The following PCSK5 variants were observed in gnomAD, a reference collection of about 807,000 sequenced individuals.
PCSK5 encodes the protein prohormone convertase 5.
In PCSK5, 129 loss-of-function variants were observed where a neutral mutation model predicts 233.2. The ratio of observed to expected loss-of-function variants is 0.55; its 90% CI spans 0.48 to 0.64. The LOEUF is 0.64. PCSK5 is among the 30% of genes least tolerant of loss of function. The pLI is 0.00. For synonymous variants in PCSK5, 825 were observed against 879.2 expected (o/e 0.94, Z 1.09); for missense variants, 2,076 against 2,430.1 (o/e 0.85, Z 3.06).
chr9:76,243,125 C>T (rs1472395183), intron 24 of PCSK5, among the ~76,000 whole-genome samples: 1 of 152,108 alleles, frequency 6.6e-6, no homozygotes, highest in South Asian at 2.1e-4. Flanking sequence ...AGACACTGAC[C>T]CTCTGGGGAC....
intron 1 of PCSK5, among the ~76,000 whole-genome samples, chr9:75,908,929 A>ATC (rs796708467): frequency 2.0e-5 from 2 of 101,854 alleles, no homozygotes; most frequent in African/African-American, 3.6e-5. Context: ...CTATCTCTCT[A>ATC]TCTCTCTCTC....
At chr9:76,213,750 G>C (rs111660290) in intron 20 of PCSK5, among the ~76,000 whole-genome samples, 9 of 152,026 alleles carry the variant, frequency 5.9e-5, no homozygotes, top group Admixed American at 2.0e-4. Flanking sequence ...CTCCATCCAA[G>C]GTCATTTTTC....
At chr9:76,090,349 AC>A (rs1237835254) in intron 7 of PCSK5, among the ~76,000 whole-genome samples, 1 of 150,964 alleles carries the variant, frequency 6.6e-6, no homozygotes, top group Non-Finnish European at 1.5e-5. Flanking sequence ...ATGAATGGAA[AC>A]CCCCTGTGCC....
Position 76,256,434 on chromosome 9 carries a change from G to A in PCSK5, c.3142+15750G>A, listed in dbSNP as rs372626800. Among the ~76,000 whole-genome samples, 14 of 152,280 alleles carry A rather than the reference G, an allele frequency of 9.2e-5. 1 individual carries two copies. The South Asian group carries it at 1.9e-3, about 20-fold the overall frequency. On this transcript the variant is annotated intron_variant, in intron 24 of 37. Coordinates refer to ENST00000674117, the MANE Select transcript of PCSK5 (RefSeq NM_001372043.1). The stretch of plus-strand genomic sequence containing the variant: ...AACAAAAGCGGAGTGTGGTCGAGCC[G>A]GACACACAGGGTGGAGGGTTCAGAA...
At chr9:76,267,889 G>A (rs187739203) in intron 24 of PCSK5, among the ~76,000 whole-genome samples, 26 of 152,046 alleles carry the variant, frequency 1.7e-4, no homozygotes, top group Admixed American at 1.6e-3. Context: ...GAAGAGCATT[G>A]CCTTTTTATT....
Position 76,159,231 on chromosome 9 carries a change from A to C in PCSK5, c.1619+60A>C. 3 of 1,482,722 alleles carry C rather than the reference A, an allele frequency of 2.0e-6. No individual in the cohort carries two copies. In the South Asian group the frequency reaches 3.7e-5, roughly 18 times the overall value. The allele number at this position is 1,482,722 out of a possible 1,614,324, so 91.8% of individuals were successfully genotyped here. A position where few individuals can be genotyped will look rare whatever the true frequency, so the allele number is the denominator to read the frequency against. ...TCACAGCGACACTCGGCTATTCCTT[A>C]GGTAGAAGGGAACAGCTGCTGCTTT... is the stretch of plus-strand genomic sequence containing the variant. On this transcript the variant is annotated intron_variant, in intron 12 of 37. Transcript: ENST00000674117.
intron 26 of PCSK5, among the ~76,000 whole-genome samples, chr9:76,296,125 G>C (rs769342784): frequency 3.9e-5 from 6 of 152,194 alleles, no homozygotes; most frequent in Admixed American, 1.3e-4. Context: ...TTGTCACCCA[G>C]GTTGGAGTGC....
At chr9:76,270,258 G>C (rs184723015) in intron 24 of PCSK5, among the ~76,000 whole-genome samples, 356 of 152,138 alleles carry the variant, frequency 2.3e-3, no homozygotes, top group African/African-American at 7.7e-3. Flanking sequence ...ATGTTGTCTT[G>C]GTTTTCCTTT....
chr9:76,310,000 C>T (rs1006618905), intron 29 of PCSK5, among the ~76,000 whole-genome samples: 1 of 152,070 alleles, frequency 6.6e-6, no homozygotes, highest in African/African-American at 2.4e-5. Context: ...GTAATGCCAG[C>T]ACTTTAGGAG....
chr9:76,150,358 G>A (rs1823620352), intron 10 of PCSK5, among the ~76,000 whole-genome samples: 1 of 152,212 alleles, frequency 6.6e-6, no homozygotes, highest in Non-Finnish European at 1.5e-5. Context: ...AGGCAGCCGG[G>A]CGCAGTGGCT....
Position 75,979,498 on chromosome 9 carries a change from G to A in PCSK5, c.298-6634G>A, listed in dbSNP as rs146138805. 4.4e-3 allele frequency among the ~76,000 whole-genome samples: 669 copies of A among 152,238 alleles called. 1 individual carries two copies. Among genetic ancestry groups the A allele is most frequent in the Non-Finnish European group, 7.4e-3 (500 of 68,018 alleles). ...GGTAATCAGGAGCCCACAGTTAGTC[G>A]ACCAGATGGCTGGGGTTCTGCTTCC... On this transcript the variant is annotated intron_variant, in intron 2 of 37. Transcript: ENST00000674117.
In PCSK5 at chr9:76,075,918, C is replaced by T. The variant is rs139724192; in HGVS notation, c.894+4020C>T. On this transcript the variant is annotated intron_variant, in intron 7 of 37. Transcript: ENST00000674117. ...AGACGTCTGCATCTTCTATGTAATA[C>T]ATAAAAGTTCCTACATTCTAGCAAC... is the stretch of plus-strand genomic sequence containing the variant. Among the ~76,000 whole-genome samples the T allele has an allele frequency of 8.5e-3, 1,300 of 152,242 alleles. 14 individuals carry two copies. Among genetic ancestry groups the T allele is most frequent in the African/African-American group, 0.029 (1,224 of 41,540 alleles).
intron 5 of PCSK5, among the ~76,000 whole-genome samples, chr9:76,035,499 A>G (rs1182202425): frequency 6.6e-6 from 1 of 152,108 alleles, no homozygotes; most frequent in Non-Finnish European, 1.5e-5. Flanking sequence ...AGTTTTGATA[A>G]AGGGTCTGAT....
In PCSK5 at chr9:76,152,408, G is replaced by A. The variant is rs371253801; in HGVS notation, c.1313-4637G>A. ...CTAAGTTGCATTTTTTCAGGTATAG[G>A]CAAAATTTAAAGTTTCTCCTAGGCT... On this transcript the variant is annotated intron_variant, in intron 10 of 37. Coordinates refer to ENST00000674117, the MANE Select transcript of PCSK5 (RefSeq NM_001372043.1). 3.4e-4 allele frequency among the ~76,000 whole-genome samples: 52 copies of A among 152,232 alleles called. 1 individual carries two copies. The South Asian group carries it at 0.01, about 30-fold the overall frequency.
chr9:76,171,194 A>T (rs1157933375), intron 13 of PCSK5, among the ~76,000 whole-genome samples: 1 of 152,214 alleles, frequency 6.6e-6, no homozygotes, highest in East Asian at 1.9e-4. Flanking sequence ...TTCATAATCT[A>T]CATTAGTTCC....
At chr9:76,341,816 T>C (rs1829845224) in intron 35 of PCSK5, among the ~76,000 whole-genome samples, 1 of 152,226 alleles carries the variant, frequency 6.6e-6, no homozygotes, top group African/African-American at 2.4e-5. Context: ...GATGACAGCA[T>C]AGATCCCATC....
chr9:76,303,591 T>C (rs867153250), intron 28 of PCSK5, among the ~76,000 whole-genome samples: 15 of 152,210 alleles, frequency 9.9e-5, no homozygotes, highest in African/African-American at 3.4e-4. Context: ...GTCTGATTAA[T>C]ATTGTTGCCT....
chr9:75,927,238 T>C (rs1019624884), intron 1 of PCSK5, among the ~76,000 whole-genome samples: 2 of 152,192 alleles, frequency 1.3e-5, no homozygotes, highest in Non-Finnish European at 2.9e-5. Flanking sequence ...ATATCTTCTT[T>C]TGTGAGATGT....
At chr9:76,284,810 G>C (rs1828010289) in intron 24 of PCSK5, among the ~76,000 whole-genome samples, 1 of 152,012 alleles carries the variant, frequency 6.6e-6, no homozygotes, top group Admixed American at 6.6e-5. Context: ...GGGATTACAG[G>C]CTTGAGCCAC....
Sources: allele counts gnomAD v4.1 joint callset (sites outside exome capture counted in the v4.1 genomes callset), GRCh38; gene constraint gnomAD v4.1.1; transcripts MANE v1.5; gene names NCBI Gene and HGNC (gene_info 2026-07-23, HGNC 2026-07-21).